TRRAP: variants seen among roughly 807,000 people sequenced by gnomAD.
TRRAP encodes the protein transformation/transcription domain associated protein.
TRRAP carries 41 observed loss-of-function variants against 438.8 expected under a neutral mutation model. The observed-to-expected ratio is 0.09, with a 90% CI of 0.07 to 0.12. The LOEUF (loss-of-function observed/expected upper bound fraction) is 0.12. TRRAP is among the 10% of genes least tolerant of loss of function. The pLI is 1.00. For synonymous variants in TRRAP, 1,994 were observed against 1,962.9 expected, an observed-to-expected ratio of 1.02 and a Z score of -0.42; for missense variants, 3,122 against 5,055.1, an observed-to-expected ratio of 0.62 and a Z score of 11.60.
In TRRAP at chr7:98,948,652, A is replaced by C; in HGVS notation, c.4755A>C (p.Thr1585=). The change falls in exon 35 of 73, where the codon ACA becomes ACC. Residue 1585 remains threonine (T), a synonymous_variant. Coordinates refer to ENST00000456197, the MANE Select transcript of TRRAP (RefSeq NM_001375524.1). The surrounding 1 kb of genome is among the most constrained non-coding windows in gnomAD (Gnocchi z 4.9). ...QTVELFMMEA[T]LNDPQWSRMF... ...TGGAGCTGTTCATGATGGAAGCCAC[A>C]CTGAACGATCCCCAGTGGAGCAGAA... The C allele has an allele frequency of 6.2e-7, 1 of 1,614,198 alleles. No individual in the cohort carries two copies. The highest frequency in any genetic ancestry group is 1.1e-5 in the South Asian group (1 of 91,080).
chr7:98,987,673 T>C (rs1456677729), intron 62 of TRRAP, among the ~76,000 whole-genome samples: 4 of 152,238 alleles, frequency 2.6e-5, no homozygotes, highest in African/African-American at 9.6e-5. Flanking sequence ...ATGCCTTTTA[T>C]TTCTTTTTCT....
At chr7:98,912,315 T>C in intron 18 of TRRAP, 102 bp downstream of exon 18, 1 of 1,260,494 alleles carries the variant, frequency 7.9e-7, no homozygotes, top group Non-Finnish European at 1.1e-6. Context: ...CGTTCTGGAC[T>C]CAAGCAATCC....
At chr7:98,922,033 C>A in intron 21 of TRRAP, 80 bp downstream of exon 21, 5 of 1,572,606 alleles carry the variant, frequency 3.2e-6, no homozygotes, top group Non-Finnish European at 3.5e-6. Context: ...GTTAATTAGA[C>A]CTGTGTCTTA....
Position 98,971,570 on chromosome 7 carries a change from A to G in TRRAP, c.7693-229A>G, listed in dbSNP as rs549178979. On this transcript the variant is annotated intron_variant, in intron 52 of 72. Coordinates refer to ENST00000456197, the MANE Select transcript of TRRAP (RefSeq NM_001375524.1). ...CTTTTGACAAAAAACCCAAATGTGA[A>G]AGCACACTGGTGGCTTCTTTATAGT... 3.9e-5 allele frequency among the ~76,000 whole-genome samples: 6 copies of G among 152,332 alleles called. No homozygotes were observed. The East Asian group carries it at 1.2e-3, about 29-fold the overall frequency.
chr7:98,992,231 C>T lies in TRRAP; in HGVS notation c.9847+4C>T, dbSNP rs370758179. The T allele has an allele frequency of 6.1e-5, 99 of 1,613,900 alleles. 1 individual carries two copies. The highest frequency in any genetic ancestry group is 5.3e-4 in the African/African-American group (40 of 75,066). On this transcript the variant is annotated splice_donor_region_variant and intron_variant, in intron 65 of 72. Transcript: ENST00000456197. ...CAGCGGGAACGCTACAAGAGCGGTACGTCTCGGGTGGGGCCGGTAGGCCAG... is the reference window on the plus strand; with the variant it reads ...CAGCGGGAACGCTACAAGAGCGGTATGTCTCGGGTGGGGCCGGTAGGCCAG...
rs200653885 is a variant in TRRAP at position 99,008,522 on chromosome 7, G to A, written c.10899G>A (p.Leu3633=). The A allele has an allele frequency of 3.1e-6, 5 of 1,614,094 alleles. No individual in the cohort carries two copies. The East Asian group carries it at 1.1e-4, about 36-fold the overall frequency. Residue 3633 remains leucine, a synonymous_variant, in exon 70 of 73, where the codon CTG becomes CTA. Coordinates refer to ENST00000456197, the MANE Select transcript of TRRAP (RefSeq NM_001375524.1). ...DNPISRYYDR[L]ATVQARGTQA... ...CCATCTCCCGTTACTATGACCGGCT[G>A]GCTACGGTGCAGGCGCGGGGAACCC...
intron 28 of TRRAP, among the ~76,000 whole-genome samples, 177 bp downstream of exon 28, chr7:98,935,852 A>G (rs571913952): frequency 2.6e-5 from 4 of 152,246 alleles, no homozygotes; most frequent in Non-Finnish European, 4.4e-5. Flanking sequence ...ATGAGATGCC[A>G]TAAAATTACA....
At chr7:98,917,212 C>CA (rs2116444748) in intron 19 of TRRAP, among the ~76,000 whole-genome samples, 1 of 152,144 alleles carries the variant, frequency 6.6e-6, no homozygotes, top group African/African-American at 2.4e-5. Flanking sequence ...TAATTTATAA[C>CA]AGTTACATAC....
intron 4 of TRRAP, among the ~76,000 whole-genome samples, chr7:98,890,950 C>T (rs782151864): frequency 1.6e-4 from 24 of 151,062 alleles, no homozygotes; most frequent in Non-Finnish European, 3.2e-4. Flanking sequence ...GCCACAATGC[C>T]TGGCTAATTT....
At position 98,910,080 on chromosome 7, in the gene TRRAP, A is replaced by C. The variant is rs782002854; in HGVS notation, c.1375A>C (p.Ile459Leu). 6.4e-7 allele frequency: 1 copy of C among 1,552,490 alleles called. No individual in the cohort carries two copies. The highest frequency in any genetic ancestry group is 1.4e-5 in the African/African-American group (1 of 72,950). Residue 459 changes from isoleucine (I) to leucine (L), a missense_variant, in exon 15 of 73, where the codon ATT becomes CTT. Around this residue, in one of 24 missense-constraint regions of TRRAP, gnomAD observed 115 missense variants for 124.6 expected, o/e 0.92. Transcript: ENST00000456197. ...GGTTTTCGTTCTCAAATTCCACACA[A>C]TTGCTCGGTACCAGCTCTCTGCCAT... The part of the protein sequence containing the change: ...LEVFVLKFHT[I>L]ARYQLSAIFK...
In TRRAP at chr7:98,917,743, C is replaced by T; in HGVS notation, c.2622+64C>T. The T allele has an allele frequency of 2.5e-6, 4 of 1,572,780 alleles. No homozygotes were observed. In the South Asian group the frequency reaches 3.6e-5, roughly 14 times the overall value. Reference sequence around the variant, plus strand: ...GGAAGCAGTGGGCCGTCATTGGGTTCTCTGTACTCAAGAGTGGGCTCTGCA... The same window carrying T: ...GGAAGCAGTGGGCCGTCATTGGGTTTTCTGTACTCAAGAGTGGGCTCTGCA... On this transcript the variant is annotated intron_variant, in intron 20 of 72. Transcript: ENST00000456197.
At chr7:98,989,499 A>G (rs191591251) in intron 63 of TRRAP, among the ~76,000 whole-genome samples, 184 of 152,008 alleles carry the variant, frequency 1.2e-3, no homozygotes, top group African/African-American at 4.2e-3. Flanking sequence ...GAAGCAGACA[A>G]ATAAAACCCA....
intron 12 of TRRAP, 29 bp from the exon 13 acceptor site, chr7:98,906,148 G>A: frequency 6.2e-7 from 1 of 1,603,956 alleles, no homozygotes; most frequent in Non-Finnish European, 8.5e-7. Flanking sequence ...TTTTGTTAGT[G>A]ATCTGTGCAA....
chr7:98,896,344 A>G (rs1473812557), intron 7 of TRRAP, among the ~76,000 whole-genome samples: 1 of 152,166 alleles, frequency 6.6e-6, no homozygotes, highest in Admixed American at 6.5e-5. Flanking sequence ...ATTAGAAGTA[A>G]ACACTCTTGC....
intron 2 of TRRAP, chr7:98,881,729 C>G (rs986827354): frequency 2.2e-6 from 1 of 451,134 alleles, no homozygotes; most frequent in Non-Finnish European, 3.9e-6. Flanking sequence ...GGCTGGAGCC[C>G]CAAAGAGGCA....
At chr7:98,883,482 A>G (rs563833318) in intron 3 of TRRAP, among the ~76,000 whole-genome samples, 27 of 152,236 alleles carry the variant, frequency 1.8e-4, no homozygotes, top group African/African-American at 6.0e-4. Flanking sequence ...GTCAATTTCT[A>G]TTGGCTGTGG....
chr7:98,880,018 A>G (rs782263319), intron 1 of TRRAP, among the ~76,000 whole-genome samples: 12 of 152,232 alleles, frequency 7.9e-5, no homozygotes, highest in Non-Finnish European at 1.3e-4. Flanking sequence ...CTGTTAAAAT[A>G]GAAACCAAGT....
At position 98,994,712 on chromosome 7, in the gene TRRAP, G is replaced by A. The variant is rs56282945; in HGVS notation, c.10173G>A (p.Thr3391=). 1.8e-4 allele frequency: 291 copies of A among 1,614,230 alleles called. No individual in the cohort carries two copies. The highest frequency in any genetic ancestry group is 3.3e-4 in the Middle Eastern group (2 of 6,062). ...ATTTTGTGAAGAAGTTGGTGAGCAC[G>A]TTTGGGGTGGGCCTGGAGAATGTGT... The part of the protein sequence containing the change: ...TLNFVKKLVS[T]FGVGLENVSN... The change falls in exon 67 of 73, where the codon ACG becomes ACA. Residue 3391 remains threonine (T), a synonymous_variant. Transcript: ENST00000456197. The surrounding 1 kb of genome is among the most constrained non-coding windows in gnomAD (Gnocchi z 4.8).
rs1459245325 is a variant in TRRAP, at chr7:98,945,818, ACAGT to A, written c.4527+23_4527+26del. 3 of 1,596,986 alleles carry A rather than the reference ACAGT, an allele frequency of 1.9e-6. No individual in the cohort carries two copies. Among genetic ancestry groups the A allele is most frequent in the African/African-American group, 1.3e-5 (1 of 74,972 alleles). ...AGTTTGAGGTGAGAACAACCTATTAACAGTCAGTTTCTGACTTGCAATGTGAAGA... is the reference window on the plus strand; with the variant it reads ...AGTTTGAGGTGAGAACAACCTATTAACAGTTTCTGACTTGCAATGTGAAGA... On this transcript the variant is annotated intron_variant, in intron 32 of 72. Coordinates refer to ENST00000456197, the MANE Select transcript of TRRAP (RefSeq NM_001375524.1).
Sources: gnomAD v4.1 joint callset for allele counts (sites outside exome capture counted in the v4.1 genomes callset) on GRCh38, gnomAD v4.1.1 for gene constraint, gnomAD v4.1.1 regional missense constraint, Gnocchi (gnomAD v3.1) non-coding constraint, MANE v1.5 for transcripts, NCBI Gene and HGNC (gene_info 2026-07-23, HGNC 2026-07-21) for gene names.